PSD3: variants seen among roughly 807,000 people sequenced by gnomAD.
The protein encoded by PSD3 is PH and SEC7 domain-containing protein 3.
In PSD3, 49 loss-of-function variants were observed where a neutral mutation model predicts 105.5. The ratio of observed to expected loss-of-function variants is 0.46; its 90% CI spans 0.37 to 0.59. The LOEUF is 0.59. PSD3 is among the 20% of genes least tolerant of loss of function. PSD3 has a pLI of 0.00. For synonymous variants in PSD3, 557 were observed against 457.8 expected, an observed-to-expected ratio of 1.22 and a Z score of -2.77; for missense variants, 1,561 against 1,263.8, an observed-to-expected ratio of 1.24 and a Z score of -3.57.
At position 18,901,741 on chromosome 8, in the gene PSD3, T is replaced by C. The variant is rs954350938; in HGVS notation, c.131-29008A>G. ...AGTGGTAATGAATTCTCTCAGTTTT[T>C]GTTTGTCTGGGAAATACTTTATTTC... On this transcript the variant is annotated intron_variant, in intron 2 of 15. Transcript: ENST00000327040. Among the ~76,000 whole-genome samples, 8 of 152,340 alleles carry C rather than the reference T, an allele frequency of 5.3e-5. No individual in the cohort carries two copies. The South Asian group carries it at 1.7e-3, about 32-fold the overall frequency.
rs571060244 is a variant in PSD3, at chr8:18,994,168, G to A, written c.21+19395C>T. ...ACAGGACCTATCTACCTTATGAGGG[G>A]CAGTAAATTATCCTAAACAACATTG... On this transcript the variant is annotated intron_variant, in intron 1 of 15. Coordinates refer to ENST00000327040, the MANE Select transcript of PSD3 (RefSeq NM_015310.4). Among the ~76,000 whole-genome samples the A allele has an allele frequency of 9.9e-5, 15 of 152,114 alleles. No individual in the cohort carries two copies. The South Asian group carries it at 3.1e-3, about 32-fold the overall frequency.
At chr8:19,033,171 T>C (rs1388033317) in intron 1 of PSD3, among the ~76,000 whole-genome samples, 1 of 152,112 alleles carries the variant, frequency 6.6e-6, no homozygotes, top group Non-Finnish European at 1.5e-5. Flanking sequence ...ATCCATTTGG[T>C]TCAGAAAAAA....
intron 4 of PSD3, chr8:18,864,650 A>C (rs952219987): frequency 6.6e-6 from 1 of 152,200 alleles, no homozygotes; most frequent in Non-Finnish European, 1.5e-5. Context: ...ACCACTAGCA[A>C]GGAAGCAGGA....
At chr8:18,700,991 G>C (rs1465433605) in intron 9 of PSD3, among the ~76,000 whole-genome samples, 1 of 152,182 alleles carries the variant, frequency 6.6e-6, no homozygotes, top group African/African-American at 2.4e-5. Context: ...TTTTGAGACA[G>C]GGTGTTACTC....
intron 14 of PSD3, among the ~76,000 whole-genome samples, chr8:18,568,298 T>G (rs1036383937): frequency 1.5e-5 from 2 of 136,190 alleles, no homozygotes; most frequent in Non-Finnish European, 3.2e-5. Flanking sequence ...CCCCCTTTCT[T>G]GGCACAACAT....
Position 18,773,519 on chromosome 8 carries a change from T to C in PSD3, c.2083-7981A>G, listed in dbSNP as rs527555114. ...TTTTCCATCTCTGGGATAAATGTTA[T>C]TGAGATTTTGATAGTAATCGTGTTG... On this transcript the variant is annotated intron_variant, in intron 8 of 15. Coordinates refer to ENST00000327040, the MANE Select transcript of PSD3 (RefSeq NM_015310.4). Among the ~76,000 whole-genome samples, 9 of 152,332 alleles carry C rather than the reference T, an allele frequency of 5.9e-5. 1 individual carries two copies. Among genetic ancestry groups the C allele is most frequent in the African/African-American group, 1.9e-4 (8 of 41,576 alleles).
intron 1 of PSD3, among the ~76,000 whole-genome samples, chr8:19,006,122 G>A (rs1285253221): frequency 6.6e-6 from 1 of 151,232 alleles, no homozygotes; most frequent in Non-Finnish European, 1.5e-5. Flanking sequence ...GGTGAAACCC[G>A]TCTCTATTAA....
At chr8:19,059,165 C>T (rs1024438284) in intron 1 of PSD3, among the ~76,000 whole-genome samples, 5 of 152,156 alleles carry the variant, frequency 3.3e-5, no homozygotes, top group Admixed American at 6.5e-5. Context: ...TCTAAGTCAT[C>T]GGAAAGTCTC....
chr8:18,710,735 G>T (rs1220674406), intron 9 of PSD3, among the ~76,000 whole-genome samples: 5 of 152,000 alleles, frequency 3.3e-5, no homozygotes, highest in Non-Finnish European at 7.4e-5. Flanking sequence ...AGGCTGGAGT[G>T]CAGTGGCGTG....
intron 1 of PSD3, among the ~76,000 whole-genome samples, chr8:19,071,619 C>A (rs1829266244): frequency 6.6e-6 from 1 of 152,206 alleles, no homozygotes; most frequent in Non-Finnish European, 1.5e-5. Context: ...CCAGAGGCAG[C>A]ACCCTGAAAT....
At chr8:18,706,904 A>C (rs1801938185) in intron 9 of PSD3, among the ~76,000 whole-genome samples, 1 of 152,214 alleles carries the variant, frequency 6.6e-6, no homozygotes, top group African/African-American at 2.4e-5. Flanking sequence ...ATTTATTTAA[A>C]TTAATAAACT....
intron 2 of PSD3, among the ~76,000 whole-genome samples, chr8:18,908,304 T>G (rs1213788573): frequency 1.3e-5 from 2 of 152,168 alleles, no homozygotes; most frequent in African/African-American, 4.8e-5. Context: ...AATCACCATT[T>G]TTTGGATTAA....
intron 14 of PSD3, among the ~76,000 whole-genome samples, chr8:18,559,468 G>C (rs534156926): frequency 6.6e-6 from 1 of 151,942 alleles, no homozygotes; most frequent in Non-Finnish European, 1.5e-5. Flanking sequence ...AAATAGATTT[G>C]TATCAGTATA....
intron 1 of PSD3, among the ~76,000 whole-genome samples, chr8:18,963,771 T>G (rs1824074099): frequency 6.6e-6 from 1 of 152,238 alleles, no homozygotes; most frequent in African/African-American, 2.4e-5. Flanking sequence ...ACTTTGTTCA[T>G]AGTTAAAATA....
chr8:18,557,026 T>G (rs1302193410), intron 14 of PSD3, among the ~76,000 whole-genome samples: 1 of 152,238 alleles, frequency 6.6e-6, no homozygotes, highest in Admixed American at 6.5e-5. Flanking sequence ...CGTGTACCAA[T>G]GCAATATGGT....
intron 9 of PSD3, among the ~76,000 whole-genome samples, chr8:18,667,826 C>T (rs1227235068): frequency 1.3e-5 from 2 of 152,224 alleles, no homozygotes; most frequent in Admixed American, 6.5e-5. Flanking sequence ...GAGCCCTGCC[C>T]CGCAGGGAGG....
chr8:19,065,199 G>A (rs777865172), intron 1 of PSD3, among the ~76,000 whole-genome samples: 1 of 152,070 alleles, frequency 6.6e-6, no homozygotes, highest in Non-Finnish European at 1.5e-5. Flanking sequence ...ATAAAACTCT[G>A]AGGGGAAAAA....
rs546277039 is a variant in PSD3, at chr8:18,738,098, G to A, written c.2172+27351C>T. Among the ~76,000 whole-genome samples, 21 of 152,282 alleles carry A rather than the reference G, an allele frequency of 1.4e-4. No homozygotes were observed. The South Asian group carries it at 4.4e-3, about 32-fold the overall frequency. On this transcript the variant is annotated intron_variant, in intron 9 of 15. Transcript: ENST00000327040. ...ATCAGGAAATCCGAATGGCTAACAT[G>A]GGGTCACAGGGAAAGAAGAGCAAGC...
At chr8:18,737,396 G>A (rs563317816) in intron 9 of PSD3, among the ~76,000 whole-genome samples, 20 of 152,258 alleles carry the variant, frequency 1.3e-4, no homozygotes, top group African/African-American at 4.8e-4. Flanking sequence ...CATGCTCATG[G>A]CTCATGCAGC....
Sources: allele counts gnomAD v4.1 joint callset (sites outside exome capture counted in the v4.1 genomes callset), GRCh38; gene constraint gnomAD v4.1.1; transcripts MANE v1.5; gene names NCBI Gene and HGNC (gene_info 2026-07-23, HGNC 2026-07-21).